The following COL4A4 variants were observed in gnomAD, a reference collection of about 807,000 sequenced individuals.
The protein encoded by COL4A4 is collagen alpha-4(IV) chain.
In COL4A4, 105 loss-of-function variants were observed where a neutral mutation model predicts 192.9. The observed-to-expected ratio is 0.54, with a 90% CI of 0.46 to 0.64. The LOEUF (loss-of-function observed/expected upper bound fraction) is 0.64. Ranked by LOEUF, COL4A4 falls within the 30% of genes least tolerant of loss-of-function variation. The pLI, the probability that COL4A4 is intolerant of heterozygous loss-of-function variation, is 0.00. For missense variants in COL4A4, 1,967 were observed against 2,169.3 expected (o/e 0.91, Z 1.85); for synonymous variants, 762 against 769.9 (o/e 0.99, Z 0.17).
the COL4A4 span, among the ~76,000 whole-genome samples, chr2:226,974,039 C>T: frequency 3.3e-5 from 5 of 152,148 alleles, no homozygotes; most frequent in Non-Finnish European, 7.4e-5. Context: ...CCTCCTTACC[C>T]AGTTTGTCAG....
At chr2:227,103,231 C>A in intron 13 of COL4A4, 34 bp from the exon 14 acceptor site, 1 of 1,532,716 alleles carries the variant, frequency 6.5e-7, no homozygotes, top group East Asian at 2.2e-5. Flanking sequence ...TTGGTCTATT[C>A]TTATTATTTA....
intron 4 of COL4A4, among the ~76,000 whole-genome samples, chr2:227,135,321 C>T (rs1044581690): frequency 7.2e-5 from 11 of 152,154 alleles, no homozygotes; most frequent in African/African-American, 2.4e-4. Flanking sequence ...GCTCCAGTCT[C>T]CTCCCCTCAG....
chr2:227,130,444 GCTCTAACCCACTCAACT>G (rs2062376475), intron 4 of COL4A4, among the ~76,000 whole-genome samples: 1 of 152,174 alleles, frequency 6.6e-6, no homozygotes, highest in Admixed American at 6.5e-5. Context: ...TCCCTGACTA[GCTCTAACCCACTCAACT>G]CTCCCTCCTT....
chr2:226,998,270 C>G (rs1203875741), downstream of COL4A4: 1 of 152,152 alleles, frequency 6.6e-6, no homozygotes, highest in Non-Finnish European at 1.5e-5. Context: ...TTTTAAATTG[C>G]CTGCTGCAGT....
At chr2:226,993,667 A>T in the COL4A4 span, among the ~76,000 whole-genome samples, 6 of 152,198 alleles carry the variant, frequency 3.9e-5, no homozygotes, top group African/African-American at 1.4e-4. Flanking sequence ...TAATTCTCCC[A>T]TGCTCTCAAC....
chr2:227,069,943 T>C (rs1463545525), intron 25 of COL4A4, among the ~76,000 whole-genome samples: 2 of 150,844 alleles, frequency 1.3e-5, no homozygotes, highest in Non-Finnish European at 1.5e-5. Context: ...ACCTACAAAA[T>C]GGGAGAAAAT....
chr2:227,075,113 A>G (rs1301156614), intron 25 of COL4A4, among the ~76,000 whole-genome samples: 2 of 152,292 alleles, frequency 1.3e-5, no homozygotes, highest in East Asian at 3.9e-4. Context: ...AAACTATTCC[A>G]AACAATAGAA....
the COL4A4 span, chr2:226,995,701 C>CG: frequency 1.7e-6 from 1 of 601,268 alleles, no homozygotes; most frequent in Non-Finnish European, 3.0e-6. Context: ...TCACAGCTTG[C>CG]GGGGAGTGGG....
At chr2:226,972,327 A>G in the COL4A4 span, among the ~76,000 whole-genome samples, 1 of 152,152 alleles carries the variant, frequency 6.6e-6, no homozygotes, top group South Asian at 2.1e-4. Flanking sequence ...CCAGTCAATC[A>G]TTGATGGAAA....
rs116557732 is a variant in COL4A4 at position 227,087,091 on chromosome 2, C to G, written c.1623+1562G>C. ...TTGAGCCTTGTTAATAAGGAGGGGA[C>G]AGAGGGCTCTCTCCAGTCTCCAGGG... On this transcript the variant is annotated intron_variant, in intron 22 of 47. Transcript: ENST00000396625. Among the ~76,000 whole-genome samples, 607 of 152,290 alleles carry G rather than the reference C, an allele frequency of 4.0e-3. 4 individuals carry two copies. The highest frequency in any genetic ancestry group is 0.014 in the African/African-American group (564 of 41,548).
chr2:226,970,866 T>C, the COL4A4 span, among the ~76,000 whole-genome samples: 2 of 152,164 alleles, frequency 1.3e-5, no homozygotes, highest in Non-Finnish European at 2.9e-5. Flanking sequence ...GTGCCCATCA[T>C]GTGGGGACAT....
chr2:227,060,118 A>AAAAAAAAAAAAAAAC lies in COL4A4; in HGVS notation c.2164+17_2164+18insGTTTTTTTTTTTTTT. On this transcript the variant is annotated intron_variant, in intron 27 of 47. Transcript: ENST00000396625. The stretch of plus-strand genomic sequence containing the variant: ...CCAAAGCAGAAAAAAAAAAAAAAAA[A>AAAAAAAAAAAAAAAC]AAAAAAACCTCACTGACCAGGTGGA... 7.3e-7 allele frequency: 1 copy of AAAAAAAAAAAAAAAC among 1,372,244 alleles called. No individual in the cohort carries two copies. The highest frequency in any genetic ancestry group is 1.5e-5 in the African/African-American group (1 of 67,886). 85.0% of individuals were successfully genotyped at this position (1,372,244 alleles called of 1,614,324 possible).
At chr2:227,002,661 G>A (rs1414200486), downstream of COL4A4, 3 of 152,560 alleles carry the variant, frequency 2.0e-5, no homozygotes, top group African/African-American at 7.2e-5. Context: ...GAAGAAAAAA[G>A]TAAACCCGCA....
chr2:227,072,895 C>T (rs1917124), intron 25 of COL4A4, among the ~76,000 whole-genome samples: 37,446 of 151,732 alleles, frequency 0.25, 5,592 homozygotes, highest in South Asian at 0.38. Flanking sequence ...TGGGACCTAC[C>T]TCAAATAATA....
chr2:227,020,862 T>C (rs1203986114), intron 44 of COL4A4, among the ~76,000 whole-genome samples: 1 of 142,184 alleles, frequency 7.0e-6, no homozygotes, highest in Admixed American at 7.2e-5. Context: ...AAACAAACCA[T>C]TCGGAGAACA....
the COL4A4 span, among the ~76,000 whole-genome samples, chr2:226,988,067 G>T: frequency 9.8e-5 from 15 of 152,314 alleles, no homozygotes; most frequent in South Asian, 2.9e-3. Flanking sequence ...ATAGCAGGTG[G>T]CAAGCAGCAG....
At position 227,004,497 on chromosome 2, in the gene COL4A4, A is replaced by G. The variant is rs947824741; in HGVS notation, c.*2828T>C. Reference sequence around the variant, plus strand: ...GCAGCGGAGTCACAGAAGGATTCTAATCCAGAGGGTGACAAAATCAAGTTT... The same window carrying G: ...GCAGCGGAGTCACAGAAGGATTCTAGTCCAGAGGGTGACAAAATCAAGTTT... On this transcript the variant is annotated 3_prime_UTR_variant, in exon 48 of 48. Transcript: ENST00000396625. The G allele has an allele frequency of 3.3e-5, 5 of 152,222 alleles. No individual in the cohort carries two copies. Among genetic ancestry groups the G allele is most frequent in the African/African-American group, 7.2e-5 (3 of 41,444 alleles). 9.4% of individuals were successfully genotyped at this position (152,222 alleles called of 1,614,324 possible).
intron 42 of COL4A4, 137 bp from the exon 43 acceptor site, chr2:227,025,947 A>G (rs1966846425): frequency 1.4e-6 from 1 of 733,874 alleles, no homozygotes; most frequent in Non-Finnish European, 2.4e-6. Flanking sequence ...CATCAATGAC[A>G]AGCAGAATGG....
chr2:227,028,387 C>G (rs1479418568), intron 41 of COL4A4, among the ~76,000 whole-genome samples: 1 of 152,188 alleles, frequency 6.6e-6, no homozygotes, highest in Non-Finnish European at 1.5e-5. Flanking sequence ...CCTCCTCACT[C>G]TCTTAGTTTT....
Sources: gnomAD v4.1 joint callset for allele counts (sites outside exome capture counted in the v4.1 genomes callset) on GRCh38, gnomAD v4.1.1 for gene constraint, MANE v1.5 for transcripts, NCBI Gene and HGNC (gene_info 2026-07-23, HGNC 2026-07-21) for gene names.